Variants in PALM2AKAP2 observed in about 807,000 individuals in gnomAD.
PALM2AKAP2 encodes the protein PALM2-AKAP2 fusion protein.
PALM2AKAP2 carries 37 observed loss-of-function variants against 71.5 expected under a neutral mutation model. The ratio of observed to expected loss-of-function variants is 0.52; its 90% CI spans 0.40 to 0.68. The LOEUF (loss-of-function observed/expected upper bound fraction) is 0.68, where lower values mean the gene tolerates loss of function less well. Among genes scored for constraint, PALM2AKAP2 ranks in the 30% least tolerant of loss-of-function variants. The pLI is 0.00. For missense variants in PALM2AKAP2, 1,224 were observed against 1,191.8 expected, an observed-to-expected ratio of 1.03 and a Z score of -0.40; for synonymous variants, 468 against 478.8, an observed-to-expected ratio of 0.98 and a Z score of 0.29.
chr9:110,095,366 C>T (rs1325786827), intron 1 of PALM2AKAP2, among the ~76,000 whole-genome samples: 1 of 152,156 alleles, frequency 6.6e-6, no homozygotes, highest in Non-Finnish European at 1.5e-5. Flanking sequence ...TAAGAGGACA[C>T]CGCAGCCTTG....
At chr9:109,860,918 AG>A (rs1416688567) in intron 1 of PALM2AKAP2, among the ~76,000 whole-genome samples, 2 of 152,220 alleles carry the variant, frequency 1.3e-5, no homozygotes. Flanking sequence ...CTCACATGGA[AG>A]GAAGTCAAAG....
intron 3 of PALM2AKAP2, among the ~76,000 whole-genome samples, chr9:109,884,152 G>A (rs1829914452): frequency 6.6e-6 from 1 of 152,158 alleles, no homozygotes; most frequent in Non-Finnish European, 1.5e-5. Flanking sequence ...GGAAACTACA[G>A]AAAAGACATT....
intron 1 of PALM2AKAP2, among the ~76,000 whole-genome samples, chr9:110,107,691 C>G (rs1176293357): frequency 6.6e-6 from 1 of 151,982 alleles, no homozygotes; most frequent in East Asian, 1.9e-4. Context: ...CTCAGCCTCC[C>G]GAGTAGCTGG....
chr9:110,075,021 A>T lies in PALM2AKAP2; in HGVS notation c.156+26166A>T, dbSNP rs1466307017. 2.0e-5 allele frequency among the ~76,000 whole-genome samples: 3 copies of T among 151,088 alleles called. No individual in the cohort carries two copies. In the East Asian group the frequency reaches 5.8e-4, roughly 29 times the overall value. On this transcript the variant is annotated intron_variant, in intron 1 of 3. Coordinates refer to ENST00000374525, the Ensembl canonical transcript of PALM2AKAP2. ...CCATCTCAAGAAAAAAAAGAAAAAG[A>T]AAAAGAAAAAAAAAAGTCACTGTAA...
At chr9:109,852,370 T>A (rs999091631) in intron 1 of PALM2AKAP2, among the ~76,000 whole-genome samples, 2 of 152,230 alleles carry the variant, frequency 1.3e-5, no homozygotes, top group African/African-American at 4.8e-5. Context: ...GAACATGATT[T>A]CATTCTTTTT....
chr9:109,664,283 T>C (rs897522545), intron 1 of PALM2AKAP2, among the ~76,000 whole-genome samples: 2 of 152,232 alleles, frequency 1.3e-5, no homozygotes, highest in Non-Finnish European at 2.9e-5. Flanking sequence ...CTTCATAGCA[T>C]TGATGGTCTT....
intron 3 of PALM2AKAP2, among the ~76,000 whole-genome samples, chr9:109,895,003 C>A (rs972360693): frequency 6.6e-6 from 1 of 152,194 alleles, no homozygotes; most frequent in Non-Finnish European, 1.5e-5. Flanking sequence ...TTCTACTAGG[C>A]CTATCCCCAC....
In PALM2AKAP2 at chr9:110,005,384, G is replaced by A. The variant is rs1004075539; in HGVS notation, c.497-10570G>A. 2.0e-5 allele frequency among the ~76,000 whole-genome samples: 3 copies of A among 152,208 alleles called. 1 individual carries two copies. The highest frequency in any genetic ancestry group is 4.4e-5 in the Non-Finnish European group (3 of 68,042). On this transcript the variant is annotated intron_variant, in intron 6 of 9. Transcript: ENST00000302798. Reference sequence around the variant, plus strand: ...ATATTGCTCCCTGATCATTCCTCTGGAAGTTTTGTCTCAGAGCAGTACCCG... The same window carrying A: ...ATATTGCTCCCTGATCATTCCTCTGAAAGTTTTGTCTCAGAGCAGTACCCG...
intron 1 of PALM2AKAP2, among the ~76,000 whole-genome samples, chr9:110,081,300 G>GA (rs1357536179): frequency 6.6e-6 from 1 of 152,110 alleles, no homozygotes. Context: ...TTCTTAGGAG[G>GA]AAAAAATCCA....
intron 6 of PALM2AKAP2, chr9:109,943,691 G>A (rs765300357): frequency 2.1e-5 from 9 of 423,336 alleles, no homozygotes; most frequent in Admixed American, 1.2e-4. Context: ...CTTCCTGCTC[G>A]ATTGGAATGG....
intron 1 of PALM2AKAP2, among the ~76,000 whole-genome samples, chr9:110,062,583 TACCTGCAGG>T (rs1300892997): frequency 1.3e-5 from 2 of 152,150 alleles, no homozygotes; most frequent in Non-Finnish European, 2.9e-5. Flanking sequence ...ACCCTAGGAT[TACCTGCAGG>T]ACCTAAGGTT....
chr9:110,059,062 C>T (rs536942899), intron 1 of PALM2AKAP2, among the ~76,000 whole-genome samples: 114 of 152,036 alleles, frequency 7.5e-4, no homozygotes, highest in East Asian at 1.5e-3. Flanking sequence ...ACCACGCCCA[C>T]GTAATTTTTG....
chr9:109,799,731 A>G (rs865785598), intron 1 of PALM2AKAP2, among the ~76,000 whole-genome samples: 1 of 152,118 alleles, frequency 6.6e-6, no homozygotes, highest in South Asian at 2.1e-4. Flanking sequence ...CTGGGCTCAA[A>G]CAGTCCACCT....
chr9:109,671,421 A>C (rs138345985), intron 1 of PALM2AKAP2, among the ~76,000 whole-genome samples: 71 of 152,090 alleles, frequency 4.7e-4, no homozygotes, highest in African/African-American at 1.7e-3. Flanking sequence ...GTAGGTGTAC[A>C]GTCTTATTCT....
At chr9:109,689,718 T>G (rs1009299279) in intron 1 of PALM2AKAP2, among the ~76,000 whole-genome samples, 2 of 152,220 alleles carry the variant, frequency 1.3e-5, no homozygotes, top group Non-Finnish European at 2.9e-5. Context: ...CATGAGGCTG[T>G]AAATCCCAGC....
intron 1 of PALM2AKAP2, among the ~76,000 whole-genome samples, chr9:109,744,869 C>T (rs968229932): frequency 1.3e-5 from 2 of 152,124 alleles, no homozygotes; most frequent in South Asian, 4.1e-4. Context: ...ACCCTCCAAC[C>T]TCCCAGCAGA....
chr9:109,666,617 G>T (rs189933534), intron 1 of PALM2AKAP2, among the ~76,000 whole-genome samples: 14 of 152,264 alleles, frequency 9.2e-5, no homozygotes, highest in African/African-American at 3.4e-4. Flanking sequence ...GCTTTATGCC[G>T]TTGCTCTTGG....
At chr9:110,109,447 C>T (rs2093670) in intron 1 of PALM2AKAP2, among the ~76,000 whole-genome samples, 11,143 of 151,976 alleles carry the variant, frequency 0.073, 570 homozygotes, top group South Asian at 0.12. Context: ...ATTTGGAGCC[C>T]TCCCGGAAAC....
At chr9:109,960,582 A>G (rs1489141247) in intron 6 of PALM2AKAP2, among the ~76,000 whole-genome samples, 1 of 152,190 alleles carries the variant, frequency 6.6e-6, no homozygotes, top group Non-Finnish European at 1.5e-5. Flanking sequence ...ATTTAAGTCT[A>G]GTCTGCACAA....
Sources: gnomAD v4.1 joint callset for allele counts (sites outside exome capture counted in the v4.1 genomes callset) on GRCh38, gnomAD v4.1.1 for gene constraint, MANE v1.5 for transcripts, NCBI Gene and HGNC (gene_info 2026-07-23, HGNC 2026-07-21) for gene names.